The following CAST variants were observed in gnomAD, a reference collection of about 807,000 sequenced individuals.
CAST encodes the protein MIR583 host.
In CAST, 76 loss-of-function variants were observed where a neutral mutation model predicts 119.6. The observed-to-expected ratio is 0.64, with a 90% CI of 0.53 to 0.77. The LOEUF is 0.77. Among genes scored for constraint, CAST ranks in the 30% least tolerant of loss-of-function variants. The pLI, the probability that CAST is intolerant of heterozygous loss-of-function variation, is 0.00. For missense variants in CAST, 953 were observed against 946.5 expected (o/e 1.01, Z -0.09); for synonymous variants, 319 against 331.6 (o/e 0.96, Z 0.41).
the CAST span, among the ~76,000 whole-genome samples, chr5:96,464,620 A>G: frequency 1.3e-5 from 2 of 152,050 alleles, no homozygotes; most frequent in African/African-American, 2.4e-5. Context: ...CCACAAATCA[A>G]TCTTGGTTGA....
chr5:96,404,507 C>T, the CAST span, among the ~76,000 whole-genome samples: 2 of 152,168 alleles, frequency 1.3e-5, no homozygotes, highest in African/African-American at 2.4e-5. Flanking sequence ...TCCTTTTCTC[C>T]TCCCATTCCC....
chr5:96,409,725 C>G, the CAST span, among the ~76,000 whole-genome samples: 1 of 152,160 alleles, frequency 6.6e-6, no homozygotes, highest in Non-Finnish European at 1.5e-5. Context: ...TCTGATATGC[C>G]CCTTTCAAAC....
the CAST span, among the ~76,000 whole-genome samples, chr5:96,307,699 C>T: frequency 2.0e-5 from 3 of 152,244 alleles, no homozygotes; most frequent in East Asian, 1.9e-4. Flanking sequence ...TTTATTTCTC[C>T]TTCACTTATG....
intron 1 of CAST, among the ~76,000 whole-genome samples, chr5:96,582,859 C>G (rs140480492): frequency 3.9e-4 from 60 of 152,220 alleles, no homozygotes; most frequent in African/African-American, 1.4e-3. Context: ...TATTGATAGG[C>G]TCTTTAGAAA....
chr5:96,534,811 A>G (rs1745769906), intron 1 of CAST, among the ~76,000 whole-genome samples: 4 of 148,754 alleles, frequency 2.7e-5, no homozygotes, highest in Admixed American at 6.7e-5. Context: ...GAAGAAAGAA[A>G]GAAAGAAAGA....
At chr5:96,436,557 T>G in the CAST span, among the ~76,000 whole-genome samples, 1 of 152,196 alleles carries the variant, frequency 6.6e-6, no homozygotes, top group East Asian at 1.9e-4. Flanking sequence ...CTGCTGTCAA[T>G]GAAACTTTTT....
At chr5:96,330,031 A>C in the CAST span, among the ~76,000 whole-genome samples, 1 of 152,206 alleles carries the variant, frequency 6.6e-6, no homozygotes, top group Non-Finnish European at 1.5e-5. Flanking sequence ...ACAGTGAATT[A>C]CCCATCTCTT....
chr5:95,965,221 A>G, the CAST span: 3 of 152,068 alleles, frequency 2.0e-5, no homozygotes, highest in African/African-American at 7.3e-5. Flanking sequence ...AGGTGGCCCA[A>G]TGTTGCCAGA....
the CAST span, among the ~76,000 whole-genome samples, chr5:96,493,066 T>G: frequency 6.6e-6 from 1 of 152,212 alleles, no homozygotes; most frequent in African/African-American, 2.4e-5. Context: ...TACAGATAAT[T>G]TTATTTTCTA....
chr5:96,400,225 A>G, the CAST span: 1 of 1,466,118 alleles, frequency 6.8e-7, no homozygotes, highest in Non-Finnish European at 9.6e-7. Flanking sequence ...TCAGAGAAAA[A>G]TGAAGTTTCC....
the CAST span, among the ~76,000 whole-genome samples, chr5:96,063,956 G>A: frequency 3.9e-5 from 6 of 152,108 alleles, no homozygotes; most frequent in East Asian, 3.9e-4. Flanking sequence ...ATTAGTGTAC[G>A]TGAGACTGTG....
intron 19 of CAST, among the ~76,000 whole-genome samples, chr5:96,749,719 G>T (rs28041): frequency 6.6e-6 from 1 of 151,854 alleles, no homozygotes; most frequent in Non-Finnish European, 1.5e-5. Flanking sequence ...GCTAATTTTT[G>T]TATTTTCTGC....
chr5:96,663,270 G>T (rs932167404), intron 1 of CAST: 21 of 700,500 alleles, frequency 3.0e-5, no homozygotes, highest in South Asian at 2.5e-4. Flanking sequence ...CGTTGTCCGG[G>T]GTTTGGCGGG....
the CAST span, among the ~76,000 whole-genome samples, chr5:96,192,521 A>T: frequency 6.6e-6 from 1 of 152,222 alleles, no homozygotes; most frequent in Non-Finnish European, 1.5e-5. Context: ...ATAGAATGGG[A>T]AAAATTCAAA....
chr5:96,180,174 C>T, the CAST span, among the ~76,000 whole-genome samples: 1,103 of 152,198 alleles, frequency 7.2e-3, 18 homozygotes, highest in African/African-American at 0.026. Flanking sequence ...AGTATAGTTA[C>T]GAATGATGAA....
At chr5:96,116,530 CAGCAATATATTAG>C in the CAST span, among the ~76,000 whole-genome samples, 1 of 152,158 alleles carries the variant, frequency 6.6e-6, no homozygotes, top group Non-Finnish European at 1.5e-5. Context: ...TTGTACTCCC[CAGCAATATATTAG>C]AGTCTGGTTG....
the CAST span, among the ~76,000 whole-genome samples, chr5:95,975,679 A>G: frequency 6.6e-6 from 1 of 152,174 alleles, no homozygotes; most frequent in South Asian, 2.1e-4. Context: ...AGCAGTATAA[A>G]TAGACTTAAG....
At chr5:96,612,698 A>T (rs571600573) in intron 1 of CAST, among the ~76,000 whole-genome samples, 1 of 152,298 alleles carries the variant, frequency 6.6e-6, no homozygotes, top group Non-Finnish European at 1.5e-5. Flanking sequence ...GGTTTACTGG[A>T]TTTTGTTAAT....
At chr5:96,028,938 C>T in the CAST span, among the ~76,000 whole-genome samples, 8 of 152,184 alleles carry the variant, frequency 5.3e-5, no homozygotes, top group South Asian at 8.3e-4. Context: ...AAGGTGAGCA[C>T]GCCAGGATTT....
Sources: gnomAD v4.1 joint callset for allele counts (sites outside exome capture counted in the v4.1 genomes callset) on GRCh38, gnomAD v4.1.1 for gene constraint, MANE v1.5 for transcripts, NCBI Gene and HGNC (gene_info 2026-07-23, HGNC 2026-07-21) for gene names.